The following KIDINS220 variants were observed in gnomAD, a reference collection of about 807,000 sequenced individuals.
KIDINS220 encodes the protein kinase D-interacting substrate of 220 kDa.
Under a neutral mutation model 157.6 loss-of-function variants are expected in KIDINS220, and 63 were observed. That is an observed-to-expected ratio of 0.40 (90% CI 0.33 to 0.49). The LOEUF (loss-of-function observed/expected upper bound fraction) is 0.49. Among genes scored for constraint, KIDINS220 ranks in the 20% least tolerant of loss-of-function variants. The probability of loss-of-function intolerance (pLI) is 0.66; values close to 1 mark genes in which losing one functional copy is unlikely to be tolerated. For missense variants in KIDINS220, 1,772 were observed against 2,171.2 expected, an observed-to-expected ratio of 0.82 and a Z score of 3.65; for synonymous variants, 732 against 783.6, an observed-to-expected ratio of 0.93 and a Z score of 1.10.
At chr2:8,798,649 T>G (rs1184389952) in intron 9 of KIDINS220, among the ~76,000 whole-genome samples, 1 of 152,216 alleles carries the variant, frequency 6.6e-6, no homozygotes, top group Non-Finnish European at 1.5e-5. Flanking sequence ...TAGATTTTCA[T>G]CTGTAACATG....
At chr2:8,776,943 A>C in intron 20 of KIDINS220, 51 bp from the exon 21 acceptor site, 1 of 1,560,252 alleles carries the variant, frequency 6.4e-7, no homozygotes, top group Non-Finnish European at 8.6e-7. Context: ...CAGTCTAAGA[A>C]CTTAAGGCTT....
intron 12 of KIDINS220, among the ~76,000 whole-genome samples, chr2:8,791,690 G>A (rs898678303): frequency 3.6e-4 from 55 of 152,116 alleles, no homozygotes; most frequent in African/African-American, 1.2e-3. Context: ...AATTTAGTAC[G>A]TGTAATACCT....
At chr2:8,770,861 A>G in intron 21 of KIDINS220, 29 bp from the exon 22 acceptor site, 1 of 1,418,070 alleles carries the variant, frequency 7.1e-7, no homozygotes, top group Non-Finnish European at 9.7e-7. Flanking sequence ...GCATTTAAAA[A>G]TTAATAGATG....
In KIDINS220 at chr2:8,768,832, G is replaced by A. The variant is rs1669807073; in HGVS notation, c.3011+1838C>T. On this transcript the variant is annotated intron_variant, in intron 22 of 29. Transcript: ENST00000256707. ...GGCTTTCCAATATGTTAATCAAAGT[G>A]TCTTCCTATAGTTTTTCATTCCAAA... Among the ~76,000 whole-genome samples, 3 of 152,172 alleles carry A rather than the reference G, an allele frequency of 2.0e-5. 1 individual carries two copies. Among genetic ancestry groups the A allele is most frequent in the African/African-American group, 4.8e-5 (2 of 41,538 alleles).
Position 8,774,476 on chromosome 2 carries a change from G to A in KIDINS220, c.2848+2272C>T, listed in dbSNP as rs149403323. On this transcript the variant is annotated intron_variant, in intron 21 of 29. Transcript: ENST00000256707. The stretch of plus-strand genomic sequence containing the variant: ...TAAAACAAAGCAGGGAACAGGTAAC[G>A]CAAAGCATACCAAAGAAGATGTCAT... Among the ~76,000 whole-genome samples, 777 of 152,128 alleles carry A rather than the reference G, an allele frequency of 5.1e-3. 4 individuals carry two copies. Among genetic ancestry groups the A allele is most frequent in the Non-Finnish European group, 8.4e-3 (574 of 67,982 alleles).
chr2:8,785,842 T>C lies in KIDINS220; in HGVS notation c.2128A>G (p.Thr710Ala). 6.2e-7 allele frequency: 1 copy of C among 1,614,156 alleles called. No individual in the cohort carries two copies. Among genetic ancestry groups the C allele is most frequent in the Non-Finnish European group, 8.5e-7 (1 of 1,180,000 alleles). Residue 710 changes from threonine (T) to alanine (A), a missense_variant, in exon 17 of 30, where the codon ACA becomes GCA. Coordinates refer to ENST00000256707, the MANE Select transcript of KIDINS220 (RefSeq NM_020738.4). ...VGLAFVLNCR[T>A]WWQVLDSLLN... is the part of the protein sequence containing the mutation. The stretch of plus-strand genomic sequence containing the variant: ...AGCGAGTCCAGCACTTGCCACCATG[T>C]ACGACAGTTCAACACAAAGGCCAAT...
chr2:8,810,282 A>G (rs1458146389), intron 6 of KIDINS220, among the ~76,000 whole-genome samples: 1 of 152,144 alleles, frequency 6.6e-6, no homozygotes, highest in Admixed American at 6.5e-5. Context: ...CTCTAAACAG[A>G]GATCATTTTT....
At chr2:8,779,230 G>T in intron 18 of KIDINS220, 91 bp from the exon 19 acceptor site, 1 of 1,458,534 alleles carries the variant, frequency 6.9e-7, no homozygotes, top group Non-Finnish European at 9.3e-7. Flanking sequence ...ACCTTTTGGT[G>T]ACAATATTTC....
At position 8,753,866 on chromosome 2, in the gene KIDINS220, G is replaced by C. The variant is rs187378373; in HGVS notation, c.3012-2222C>G. On this transcript the variant is annotated intron_variant, in intron 22 of 29. Coordinates refer to ENST00000256707, the MANE Select transcript of KIDINS220 (RefSeq NM_020738.4). ...AATAGGGTGCTGGGGAGAAAATAAGGGTAGCAATTTTCTCTTAATTAACTT... is the reference window on the plus strand; with the variant it reads ...AATAGGGTGCTGGGGAGAAAATAAGCGTAGCAATTTTCTCTTAATTAACTT... Among the ~76,000 whole-genome samples, 60 of 152,220 alleles carry C rather than the reference G, an allele frequency of 3.9e-4. 1 individual carries two copies. The East Asian group carries it at 0.011, about 28-fold the overall frequency.
chr2:8,752,307 T>C (rs1667471418), intron 22 of KIDINS220, among the ~76,000 whole-genome samples: 1 of 151,974 alleles, frequency 6.6e-6, no homozygotes, highest in South Asian at 2.1e-4. Flanking sequence ...ATGAGCCACC[T>C]CATCCAGTCT....
intron 3 of KIDINS220, among the ~76,000 whole-genome samples, chr2:8,817,924 T>C (rs1310055789): frequency 6.6e-6 from 1 of 152,176 alleles, no homozygotes; most frequent in Non-Finnish European, 1.5e-5. Flanking sequence ...TAAACATGGC[T>C]TTACAACTGC....
In KIDINS220 at chr2:8,729,818, C is replaced by T. The variant is rs1663781342; in HGVS notation, c.*902G>A. ...TTTGATGTAATTATTTCCTCATTCA[C>T]TCATCTATAAATATTTATTAGTACC... is the stretch of plus-strand genomic sequence containing the variant. On this transcript the variant is annotated 3_prime_UTR_variant, in exon 30 of 30. Coordinates refer to ENST00000256707, the MANE Select transcript of KIDINS220 (RefSeq NM_020738.4). The T allele has an allele frequency of 4.1e-6, 4 of 981,922 alleles. No homozygotes were observed. Among genetic ancestry groups the T allele is most frequent in the Non-Finnish European group, 4.8e-6 (4 of 826,804 alleles). The allele number at this position is 981,922 out of a possible 1,614,324, so 60.8% of individuals were successfully genotyped here. A position where few individuals can be genotyped will look rare whatever the true frequency, so the allele number is the denominator to read the frequency against.
chr2:8,806,023 G>A (rs2148343882), intron 7 of KIDINS220, among the ~76,000 whole-genome samples: 1 of 152,226 alleles, frequency 6.6e-6, no homozygotes, highest in African/African-American at 2.4e-5. Flanking sequence ...ATCACTGAAA[G>A]CTATTCTTTA....
intron 11 of KIDINS220, among the ~76,000 whole-genome samples, chr2:8,794,713 C>T (rs925285382): frequency 3.3e-5 from 5 of 152,288 alleles, no homozygotes; most frequent in Admixed American, 1.3e-4. Context: ...TTCAAAAGTC[C>T]TCTTCGGGCT....
In KIDINS220 at chr2:8,802,920, G is replaced by A. The variant is rs766965433; in HGVS notation, c.801+10C>T. ...ACCACTAGGAGACAAATGTGAAATA[G>A]ATGACCTACCCTGTCAGGTATGTTC... On this transcript the variant is annotated intron_variant, in intron 8 of 29. Transcript: ENST00000256707. 1 of 1,611,802 alleles carries A rather than the reference G, an allele frequency of 6.2e-7. No homozygotes were observed. Among genetic ancestry groups the A allele is most frequent in the East Asian group, 2.2e-5 (1 of 44,844 alleles).
At chr2:8,765,938 T>C (rs182770030) in intron 22 of KIDINS220, among the ~76,000 whole-genome samples, 1 of 152,256 alleles carries the variant, frequency 6.6e-6, no homozygotes, top group East Asian at 1.9e-4. Context: ...CCTTAATTTT[T>C]CCACCCAGGT....
Position 8,750,240 on chromosome 2 carries a change from T to A in KIDINS220, c.3286A>T (p.Ser1096Cys). 6.2e-7 allele frequency: 1 copy of A among 1,614,032 alleles called. No individual in the cohort carries two copies. Residue 1096 changes from serine to cysteine, a missense_variant, in exon 24 of 30, where the codon AGC becomes TGC. Ser to Cys is a moderately radical substitution (Grantham distance 112). Transcript: ENST00000256707. Reference sequence around the variant, plus strand: ...GAAGAGCACACGGATGGGGGCTGGCTGTACCCTGATGGCGCCCTAGGAGGA... The same window carrying A: ...GAAGAGCACACGGATGGGGGCTGGCAGTACCCTGATGGCGCCCTAGGAGGA... ...EGPPRAPSGY[S>C]QPPSVCSSTS...
chr2:8,789,598 G>T (rs941434001), intron 14 of KIDINS220, among the ~76,000 whole-genome samples: 5 of 152,004 alleles, frequency 3.3e-5, no homozygotes, highest in Non-Finnish European at 7.4e-5. Flanking sequence ...CCCAGAAAAA[G>T]ATTTAAATAT....
chr2:8,813,654 T>C (rs1676648875), intron 4 of KIDINS220, among the ~76,000 whole-genome samples: 1 of 152,254 alleles, frequency 6.6e-6, no homozygotes, highest in Admixed American at 6.5e-5. Context: ...CTGGGTGCGG[T>C]GGCTCATGCC....
Sources: gnomAD v4.1 joint callset for allele counts (sites outside exome capture counted in the v4.1 genomes callset) on GRCh38, gnomAD v4.1.1 for gene constraint, MANE v1.5 for transcripts, NCBI Gene and HGNC (gene_info 2026-07-23, HGNC 2026-07-21) for gene names.